Variants in HTR1F observed in about 807,000 individuals in gnomAD.
HTR1F encodes 5-hydroxytryptamine receptor 1F, also known as 5-hydroxytryptamine (serotonin) receptor 1F, G protein-coupled.
Under a neutral mutation model 24.0 loss-of-function variants are expected in HTR1F, and 17 were observed. The ratio of observed to expected loss-of-function variants is 0.71; its 90% CI spans 0.48 to 1.06. HTR1F has a LOEUF of 1.06. HTR1F is among the 50% of genes least tolerant of loss of function. The pLI is 0.00. For missense variants in HTR1F, 391 were observed against 427.8 expected (o/e 0.91, Z 0.76); for synonymous variants, 186 against 156.8 (o/e 1.19, Z -1.39).
chr3:87,956,447 G>A (rs952603848), intron 2 of HTR1F, among the ~76,000 whole-genome samples: 1 of 151,216 alleles, frequency 6.6e-6, no homozygotes, highest in Non-Finnish European at 1.5e-5. Context: ...ATCAAGAATT[G>A]TGCATCTTAA....
chr3:87,807,419 A>C (rs1704091956), intron 1 of HTR1F, among the ~76,000 whole-genome samples: 1 of 151,802 alleles, frequency 6.6e-6, no homozygotes, highest in South Asian at 2.1e-4. Flanking sequence ...TTATTAGTAC[A>C]TTAATTAGTA....
chr3:87,856,856 T>C (rs1705209132), intron 2 of HTR1F, among the ~76,000 whole-genome samples: 2 of 152,290 alleles, frequency 1.3e-5, no homozygotes, highest in South Asian at 4.1e-4. Flanking sequence ...TGTTTTTATA[T>C]AATCTAATCT....
At chr3:87,795,220 G>A (rs977050005) in intron 1 of HTR1F, among the ~76,000 whole-genome samples, 10 of 152,068 alleles carry the variant, frequency 6.6e-5, no homozygotes, top group Admixed American at 5.9e-4. Context: ...TCCTGACCTC[G>A]TGATCTGCCC....
rs148932882 is a variant in HTR1F at position 87,840,836 on chromosome 3, G to C, written c.-43+18712G>C. On this transcript the variant is annotated intron_variant, in intron 2 of 2. Coordinates refer to ENST00000319595, the MANE Select transcript of HTR1F (RefSeq NM_001322209.2). ...AAGTTAAATTCACCAGGCACAGAGA[G>C]ACAAATACTGTATCATCTCACTTGT... Among the ~76,000 whole-genome samples, 8 of 151,956 alleles carry C rather than the reference G, an allele frequency of 5.3e-5. No individual in the cohort carries two copies. The East Asian group carries it at 1.5e-3, about 29-fold the overall frequency.
At chr3:87,927,094 C>T (rs1204298554) in intron 2 of HTR1F, among the ~76,000 whole-genome samples, 1 of 152,110 alleles carries the variant, frequency 6.6e-6, no homozygotes, top group Non-Finnish European at 1.5e-5. Flanking sequence ...TCTCAGAAGA[C>T]TTGCCCACAC....
chr3:87,924,133 T>A (rs1031326972), intron 2 of HTR1F, among the ~76,000 whole-genome samples: 2 of 152,080 alleles, frequency 1.3e-5, no homozygotes, highest in African/African-American at 4.8e-5. Flanking sequence ...TGGGCTTTTC[T>A]TTTTTGGAAG....
chr3:87,987,479 C>T lies in HTR1F; in HGVS notation c.-42-3229C>T, dbSNP rs940593145. 8.6e-5 allele frequency among the ~76,000 whole-genome samples: 13 copies of T among 151,350 alleles called. 1 individual carries two copies. Among genetic ancestry groups the T allele is most frequent in the Non-Finnish European group, 1.2e-4 (8 of 67,906 alleles). On this transcript the variant is annotated intron_variant, in intron 2 of 2. Transcript: ENST00000319595. ...ACATCATAGGTCCTGTGATCCAATA[C>T]TGATTTTAGGAAATATGGTCATAGC... is the stretch of plus-strand genomic sequence containing the variant.
chr3:87,836,265 A>G (rs1704680788), intron 2 of HTR1F, among the ~76,000 whole-genome samples: 1 of 152,222 alleles, frequency 6.6e-6, no homozygotes, highest in Non-Finnish European at 1.5e-5. Flanking sequence ...TAATGTAGTC[A>G]TAAAATTACC....
intron 2 of HTR1F, among the ~76,000 whole-genome samples, chr3:87,911,581 G>T (rs1243868163): frequency 6.6e-6 from 1 of 151,924 alleles, no homozygotes; most frequent in Non-Finnish European, 1.5e-5. Context: ...AGGGATATGA[G>T]GCCAGCATTA....
At chr3:87,914,315 G>C (rs1324570198) in intron 2 of HTR1F, among the ~76,000 whole-genome samples, 1 of 152,136 alleles carries the variant, frequency 6.6e-6, no homozygotes, top group African/African-American at 2.4e-5. Context: ...GCTGAATTTT[G>C]TAACAATTTG....
intron 2 of HTR1F, among the ~76,000 whole-genome samples, chr3:87,872,159 TAA>T (rs1705572476): frequency 6.6e-6 from 1 of 151,956 alleles, no homozygotes; most frequent in Non-Finnish European, 1.5e-5. Context: ...GAACAACCAA[TAA>T]GTCAAAGAAA....
chr3:87,803,623 A>G (rs2107075446), intron 1 of HTR1F, among the ~76,000 whole-genome samples: 1 of 152,300 alleles, frequency 6.6e-6, no homozygotes, highest in South Asian at 2.1e-4. Context: ...GATACAAAAT[A>G]TGTACAATTC....
chr3:87,809,223 C>G (rs1243393298), intron 1 of HTR1F, among the ~76,000 whole-genome samples: 1 of 151,718 alleles, frequency 6.6e-6, no homozygotes, highest in Non-Finnish European at 1.5e-5. Context: ...AATTTTTCCT[C>G]AGCAATATTG....
chr3:87,833,458 AT>A (rs925047615), intron 2 of HTR1F, among the ~76,000 whole-genome samples: 66 of 152,204 alleles, frequency 4.3e-4, no homozygotes, highest in African/African-American at 1.4e-3. Context: ...GGGAAACAGT[AT>A]ACTGTTTCAA....
At chr3:87,907,208 T>TG (rs58909963) in intron 2 of HTR1F, among the ~76,000 whole-genome samples, 1 of 151,674 alleles carries the variant, frequency 6.6e-6, no homozygotes, top group Non-Finnish European at 1.5e-5. Context: ...TTTTTTTTTT[T>TG]GATTATTGGT....
chr3:87,812,800 C>T (rs1704183293), intron 1 of HTR1F, among the ~76,000 whole-genome samples: 1 of 152,198 alleles, frequency 6.6e-6, no homozygotes, highest in Non-Finnish European at 1.5e-5. Flanking sequence ...GCTCCAGCTC[C>T]AGCTGTGGCT....
chr3:87,846,711 G>C (rs1342419319), intron 2 of HTR1F, among the ~76,000 whole-genome samples: 1 of 151,850 alleles, frequency 6.6e-6, no homozygotes, highest in Non-Finnish European at 1.5e-5. Context: ...AATATAATAA[G>C]TTGCTTCTGT....
chr3:87,843,621 T>A (rs1435727770), intron 2 of HTR1F, among the ~76,000 whole-genome samples: 2 of 151,260 alleles, frequency 1.3e-5, no homozygotes, highest in Non-Finnish European at 2.9e-5. Context: ...GCTGGTGTGC[T>A]GCACCCATTA....
In HTR1F at chr3:87,968,439, C is replaced by G. The variant is rs560620536; in HGVS notation, c.-42-22269C>G. Among the ~76,000 whole-genome samples the G allele has an allele frequency of 3.3e-5, 5 of 152,286 alleles. No individual in the cohort carries two copies. The East Asian group carries it at 9.7e-4, about 29-fold the overall frequency. ...TGTTTGTCAGGCTGGTCTCAAAACC[C>G]TGACCTCAGGTGATCACCCACCTCA... On this transcript the variant is annotated intron_variant, in intron 2 of 2. Transcript: ENST00000319595.
Sources: gnomAD v4.1 joint callset for allele counts (sites outside exome capture counted in the v4.1 genomes callset) on GRCh38, gnomAD v4.1.1 for gene constraint, MANE v1.5 for transcripts, NCBI Gene and HGNC (gene_info 2026-07-23, HGNC 2026-07-21) for gene names.